LRRC3B: variants seen among roughly 807,000 people sequenced by gnomAD.
The protein encoded by LRRC3B is leucine rich repeat containing 3B, also known as leucine-rich repeat-containing protein 3B.
A neutral mutation model predicts 12.8 loss-of-function variants in LRRC3B; 2 were observed. The ratio of observed to expected loss-of-function variants is 0.16; its 90% CI spans 0.06 to 0.49. The LOEUF is 0.49. LRRC3B is among the 20% of genes least tolerant of loss of function. The pLI is 0.96. For missense variants in LRRC3B, 189 were observed against 319.4 expected, an observed-to-expected ratio of 0.59 and a Z score of 3.11; for synonymous variants, 132 against 122.0, an observed-to-expected ratio of 1.08 and a Z score of -0.54.
intron 1 of LRRC3B, among the ~76,000 whole-genome samples, chr3:26,644,138 C>A (rs766757852): frequency 6.6e-6 from 1 of 152,158 alleles, no homozygotes; most frequent in African/African-American, 2.4e-5. Flanking sequence ...GATGAGGAAT[C>A]ATTTAAATAA....
chr3:26,703,688 T>C (rs918495733), intron 1 of LRRC3B, among the ~76,000 whole-genome samples: 8 of 151,586 alleles, frequency 5.3e-5, no homozygotes, highest in Non-Finnish European at 7.4e-5. Flanking sequence ...GAGATTGTGG[T>C]TTGGTTTCCT....
chr3:26,668,348 A>G (rs184952998), intron 1 of LRRC3B, among the ~76,000 whole-genome samples: 22 of 152,262 alleles, frequency 1.4e-4, no homozygotes, highest in Non-Finnish European at 2.9e-4. Flanking sequence ...TTAGTGGTGC[A>G]GGATCAGAAA....
intron 1 of LRRC3B, among the ~76,000 whole-genome samples, chr3:26,671,373 T>TATAGAGAGAG (rs1261897533): frequency 2.7e-3 from 77 of 28,254 alleles, no homozygotes; most frequent in East Asian, 7.5e-3. Context: ...TATATATATA[T>TATAGAGAGAG]AGAGAGAGAG....
intron 1 of LRRC3B, among the ~76,000 whole-genome samples, chr3:26,655,642 G>A (rs1699357891): frequency 6.6e-6 from 1 of 152,028 alleles, no homozygotes; most frequent in East Asian, 1.9e-4. Flanking sequence ...TTTCATAGAT[G>A]TGCCCTTTTT....
intron 1 of LRRC3B, among the ~76,000 whole-genome samples, chr3:26,670,226 C>T (rs529205910): frequency 6.6e-6 from 1 of 152,302 alleles, no homozygotes; most frequent in Admixed American, 6.5e-5. Context: ...AAAGAGAAGT[C>T]ATTTCCTCAC....
intron 1 of LRRC3B, among the ~76,000 whole-genome samples, chr3:26,634,725 G>A (rs976415278): frequency 4.6e-5 from 7 of 152,118 alleles, no homozygotes; most frequent in African/African-American, 1.7e-4. Context: ...ATTCCAGGTT[G>A]GCTTTGATCA....
intron 1 of LRRC3B, among the ~76,000 whole-genome samples, chr3:26,699,511 G>C (rs2125457386): frequency 6.6e-6 from 1 of 152,220 alleles, no homozygotes; most frequent in South Asian, 2.1e-4. Context: ...TCAATCCTGT[G>C]TTTTTCCCAC....
In LRRC3B at chr3:26,671,413, G is replaced by GAGAGAGAGAGAGAGAGAGAGAGAGAGAC. The variant is rs9331540; in HGVS notation, c.-160-38099_-160-38098insGAGAGAGAGAGAGAGAGAGAGAGAGACA. On this transcript the variant is annotated intron_variant, in intron 1 of 1. Coordinates refer to ENST00000396641, the Ensembl canonical transcript of LRRC3B. Reference sequence around the variant, plus strand: ...AGAGAGAGAGAGAGAGAGAGAGAGAGACGAAGTCTTGCTCTGTCGCCAGGC... The same window carrying GAGAGAGAGAGAGAGAGAGAGAGAGAGAC: ...AGAGAGAGAGAGAGAGAGAGAGAGAGAGAGAGAGAGAGAGAGAGAGAGAGAGACACGAAGTCTTGCTCTGTCGCCAGGC... Among the ~76,000 whole-genome samples, 44 of 99,380 alleles carry GAGAGAGAGAGAGAGAGAGAGAGAGAGAC rather than the reference G, an allele frequency of 4.4e-4. 5 individuals carry two copies. The highest frequency in any genetic ancestry group is 7.6e-4 in the East Asian group (2 of 2,628). The allele number at this position is 99,380 out of a possible 152,430, so 65.2% of individuals were successfully genotyped here.
intron 1 of LRRC3B, among the ~76,000 whole-genome samples, chr3:26,674,127 G>GAGTT (rs1454886541): frequency 2.0e-5 from 3 of 152,152 alleles, no homozygotes; most frequent in African/African-American, 4.8e-5. Context: ...GGTTTATGTT[G>GAGTT]AGTTAGTTTT....
chr3:26,691,006 A>C (rs1418705947), intron 1 of LRRC3B, among the ~76,000 whole-genome samples: 2 of 148,992 alleles, frequency 1.3e-5, no homozygotes, highest in South Asian at 2.1e-4. Context: ...CAAGGACTTA[A>C]GCTTTTATAT....
chr3:26,680,027 G>A (rs934939190), intron 1 of LRRC3B, among the ~76,000 whole-genome samples: 1 of 152,146 alleles, frequency 6.6e-6, no homozygotes, highest in Admixed American at 6.5e-5. Flanking sequence ...TAAGCAAAGC[G>A]ATTCAAACTT....
chr3:26,694,996 T>C (rs1700276045), intron 1 of LRRC3B, among the ~76,000 whole-genome samples: 2 of 152,154 alleles, frequency 1.3e-5, no homozygotes, highest in South Asian at 4.1e-4. Flanking sequence ...AAGGTAAAAC[T>C]ATTATCAATT....
At chr3:26,708,227 G>A (rs1019177509) in intron 1 of LRRC3B, among the ~76,000 whole-genome samples, 1 of 152,118 alleles carries the variant, frequency 6.6e-6, no homozygotes, top group Non-Finnish European at 1.5e-5. Flanking sequence ...ATCCTGGGAG[G>A]GAATCTTCTA....
intron 1 of LRRC3B, among the ~76,000 whole-genome samples, chr3:26,704,666 G>A (rs1286863212): frequency 2.0e-5 from 3 of 151,872 alleles, no homozygotes; most frequent in Admixed American, 6.6e-5. Context: ...TATCTCATAA[G>A]TAGCAGGGAC....
chr3:26,677,245 GT>G (rs113912532), intron 1 of LRRC3B, among the ~76,000 whole-genome samples: 2,527 of 152,254 alleles, frequency 0.017, 98 homozygotes, highest in East Asian at 0.16. Flanking sequence ...AGGAAGCCAT[GT>G]TTTTTTCTGG....
At chr3:26,659,238 G>A (rs1391816068) in intron 1 of LRRC3B, among the ~76,000 whole-genome samples, 1 of 152,190 alleles carries the variant, frequency 6.6e-6, no homozygotes, top group Non-Finnish European at 1.5e-5. Context: ...AAAAGGTTAA[G>A]TACGTTCCCT....
chr3:26,696,593 G>C (rs1335415997), intron 1 of LRRC3B, among the ~76,000 whole-genome samples: 1 of 152,168 alleles, frequency 6.6e-6, no homozygotes, highest in Non-Finnish European at 1.5e-5. Context: ...TCCCAGCACA[G>C]TTGTCACTAG....
intron 1 of LRRC3B, among the ~76,000 whole-genome samples, chr3:26,707,177 C>A (rs1700613785): frequency 6.9e-6 from 1 of 145,652 alleles, no homozygotes; most frequent in Non-Finnish European, 1.5e-5. Flanking sequence ...CATGGTGAAA[C>A]CCTGTCTCTA....
intron 1 of LRRC3B, among the ~76,000 whole-genome samples, chr3:26,688,998 A>G (rs747016954): frequency 6.6e-6 from 1 of 152,162 alleles, no homozygotes; most frequent in Non-Finnish European, 1.5e-5. Context: ...TAACGTCACC[A>G]AGGCCTCAGT....
Sources: allele counts gnomAD v4.1 joint callset (sites outside exome capture counted in the v4.1 genomes callset), GRCh38; gene constraint gnomAD v4.1.1; transcripts MANE v1.5; gene names NCBI Gene and HGNC (gene_info 2026-07-23, HGNC 2026-07-21).